Variants in RFC3 observed in about 807,000 individuals in gnomAD.
RFC3 encodes the protein replication factor C subunit 3, also known as A1 38 kDa subunit.
RFC3 carries 41 observed loss-of-function variants against 45.1 expected under a neutral mutation model. The ratio of observed to expected loss-of-function variants is 0.91; its 90% CI spans 0.71 to 1.18. RFC3 has a LOEUF of 1.18. Ranked by LOEUF, RFC3 falls within the 50% of genes most tolerant of loss-of-function variation. RFC3 has a pLI of 0.00. For missense variants in RFC3, 423 were observed against 428.1 expected, an observed-to-expected ratio of 0.99 and a Z score of 0.10; for synonymous variants, 149 against 144.0, an observed-to-expected ratio of 1.03 and a Z score of -0.25.
chr13:33,925,683 GTA>G (rs1426788469), intron 8 of RFC3, among the ~76,000 whole-genome samples: 11 of 141,004 alleles, frequency 7.8e-5, no homozygotes, highest in South Asian at 4.4e-4. Context: ...TAGTGTGTAT[GTA>G]TATATACACA....
chr13:33,902,153 G>A (rs2082645602), intron 8 of RFC3, among the ~76,000 whole-genome samples: 1 of 152,072 alleles, frequency 6.6e-6, no homozygotes, highest in African/African-American at 2.4e-5. Flanking sequence ...AAGAAATATG[G>A]AGAATATATT....
At chr13:33,924,705 A>ATGTG (rs34618705) in intron 8 of RFC3, among the ~76,000 whole-genome samples, 17 of 139,844 alleles carry the variant, frequency 1.2e-4, no homozygotes, top group East Asian at 6.2e-4. Flanking sequence ...CATTGTGTGT[A>ATGTG]TGTGTGTGTG....
chr13:33,899,672 C>T (rs1000790731), intron 8 of RFC3, among the ~76,000 whole-genome samples: 9 of 151,744 alleles, frequency 5.9e-5, no homozygotes, highest in African/African-American at 2.2e-4. Flanking sequence ...TGCTAGAAGT[C>T]CTGGCTAGAT....
intron 8 of RFC3, among the ~76,000 whole-genome samples, chr13:33,947,926 C>A (rs757887185): frequency 6.6e-6 from 1 of 152,130 alleles, no homozygotes; most frequent in Admixed American, 6.6e-5. Context: ...GGAAGCAGAG[C>A]ATAAATGTTT....
At chr13:33,883,742 A>C (rs563833371) in intron 8 of RFC3, among the ~76,000 whole-genome samples, 53 of 152,332 alleles carry the variant, frequency 3.5e-4, no homozygotes, top group African/African-American at 1.3e-3. Context: ...AAAAAGCTAC[A>C]TGGACACATA....
At chr13:33,858,371 A>C (rs534189910) in intron 8 of RFC3, among the ~76,000 whole-genome samples, 1 of 152,204 alleles carries the variant, frequency 6.6e-6, no homozygotes, top group Non-Finnish European at 1.5e-5. Flanking sequence ...AAAACCCATA[A>C]TAAAGAATAA....
intron 8 of RFC3, among the ~76,000 whole-genome samples, chr13:33,852,582 TAATA>T (rs1391490038): frequency 1.3e-5 from 2 of 151,842 alleles, no homozygotes; most frequent in Admixed American, 6.6e-5. Context: ...CATTGAGAAA[TAATA>T]ATAAAAGAGA....
intron 2 of RFC3, among the ~76,000 whole-genome samples, chr13:33,822,109 C>G (rs1393783069): frequency 3.9e-5 from 6 of 151,994 alleles, no homozygotes; most frequent in African/African-American, 1.5e-4. Flanking sequence ...GGGTTTTAGG[C>G]TAATGTTGAT....
At chr13:33,922,651 A>G (rs7328805) in intron 8 of RFC3, among the ~76,000 whole-genome samples, 30,384 of 152,032 alleles carry the variant, frequency 0.2, 4,412 homozygotes, top group African/African-American at 0.38. Context: ...TATGTTTTTT[A>G]GTTTGTGCTG....
intron 8 of RFC3, among the ~76,000 whole-genome samples, chr13:33,917,188 G>T (rs2137720477): frequency 6.6e-6 from 1 of 152,268 alleles, no homozygotes; most frequent in South Asian, 2.1e-4. Flanking sequence ...GGCAAAGGCA[G>T]TTTCCCTGCC....
intron 8 of RFC3, among the ~76,000 whole-genome samples, chr13:33,936,741 G>A (rs183318494): frequency 3.9e-5 from 6 of 152,226 alleles, no homozygotes; most frequent in Middle Eastern, 3.4e-3. Flanking sequence ...TCTTGATCTC[G>A]GACTTCCTTC....
chr13:33,968,247 C>T (rs913253955), downstream of RFC3, among the ~76,000 whole-genome samples: 2 of 152,192 alleles, frequency 1.3e-5, no homozygotes, highest in South Asian at 4.1e-4. Context: ...CCTGTCTCAG[C>T]CTCCCAAGTA....
intron 8 of RFC3, among the ~76,000 whole-genome samples, chr13:33,916,872 G>A (rs946705540): frequency 6.6e-6 from 1 of 152,092 alleles, no homozygotes; most frequent in African/African-American, 2.4e-5. Context: ...TTTGCCAAAT[G>A]CATTTTTGGT....
intron 8 of RFC3, among the ~76,000 whole-genome samples, chr13:33,866,822 A>C (rs1440966033): frequency 6.6e-6 from 1 of 152,234 alleles, no homozygotes; most frequent in African/African-American, 2.4e-5. Flanking sequence ...AAGGCCTACC[A>C]GGAGGAATAG....
intron 8 of RFC3, among the ~76,000 whole-genome samples, chr13:33,900,427 A>G (rs58015993): frequency 0.07 from 10,617 of 151,950 alleles, 601 homozygotes; most frequent in African/African-American, 0.15. Flanking sequence ...GTACAATGGA[A>G]AAAAGGATAG....
At chr13:33,876,449 A>T (rs552283645) in intron 8 of RFC3, among the ~76,000 whole-genome samples, 10 of 152,228 alleles carry the variant, frequency 6.6e-5, no homozygotes, top group Non-Finnish European at 1.5e-4. Context: ...AAACTCACTT[A>T]ATCTTAAAAA....
chr13:33,859,352 A>G (rs1208149635), intron 8 of RFC3, among the ~76,000 whole-genome samples: 1 of 152,238 alleles, frequency 6.6e-6, no homozygotes, highest in Admixed American at 6.5e-5. Context: ...CATACTTATA[A>G]TAGAGACGAT....
chr13:33,970,633 G>A (rs1369257155), downstream of RFC3, among the ~76,000 whole-genome samples: 1 of 152,220 alleles, frequency 6.6e-6, no homozygotes, highest in Non-Finnish European at 1.5e-5. Flanking sequence ...ACACCAGTAG[G>A]GGAAAGGGAA....
intron 8 of RFC3, among the ~76,000 whole-genome samples, chr13:33,893,991 C>T (rs1049040093): frequency 2.6e-5 from 4 of 152,062 alleles, no homozygotes; most frequent in African/African-American, 4.8e-5. Context: ...CAAAAAACCC[C>T]AACTTTCCAA....
Sources: allele counts gnomAD v4.1 joint callset (sites outside exome capture counted in the v4.1 genomes callset), GRCh38; gene constraint gnomAD v4.1.1; transcripts MANE v1.5; gene names NCBI Gene and HGNC (gene_info 2026-07-23, HGNC 2026-07-21).